The following TAB3 variants were observed in gnomAD, a reference collection of about 807,000 sequenced individuals.
The protein encoded by TAB3 is TGF-beta activated kinase 1 (MAP3K7) binding protein 3.
A neutral mutation model predicts 48.1 loss-of-function variants in TAB3; 18 were observed. The observed-to-expected ratio is 0.37, with a 90% CI of 0.26 to 0.55. TAB3 has a LOEUF of 0.55. Among genes scored for constraint, TAB3 ranks in the 20% least tolerant of loss-of-function variants. The pLI is 0.78. For missense variants in TAB3, 414 were observed against 549.8 expected (o/e 0.75, Z 2.47); for synonymous variants, 185 against 190.2 (o/e 0.97, Z 0.22).
intron 1 of TAB3, among the ~76,000 whole-genome samples, chrX:30,879,546 G>T (rs1188682945): frequency 3.6e-5 from 4 of 111,745 alleles, no homozygotes; most frequent in Admixed American, 1.9e-4. Context: ...ATAAAATCCA[G>T]TATCTATTCA....
At chrX:30,882,006 G>A in intron 1 of TAB3, among the ~76,000 whole-genome samples, 1 of 111,757 alleles carries the variant, frequency 8.9e-6, no homozygotes, top group Non-Finnish European at 1.9e-5. Context: ...TATTTCTGTG[G>A]CATAAAAGAT....
intron 4 of TAB3, among the ~76,000 whole-genome samples, chrX:30,864,168 A>G (rs1939334946): frequency 1.8e-5 from 2 of 111,528 alleles, no homozygotes; most frequent in South Asian, 3.8e-4. Context: ...CACCCCCACT[A>G]AAGTCCAGAT....
intron 1 of TAB3, among the ~76,000 whole-genome samples, chrX:30,886,553 C>T (rs187174826): frequency 1.5e-3 from 163 of 111,978 alleles, no homozygotes; most frequent in African/African-American, 4.7e-3. Flanking sequence ...GAACACAAGA[C>T]TCCTTTTTCT....
chrX:30,883,113 C>T, intron 1 of TAB3, among the ~76,000 whole-genome samples: 1 of 111,035 alleles, frequency 9.0e-6, no homozygotes. Flanking sequence ...AATGCTATTT[C>T]TCCAACATTA....
chrX:30,880,007 A>G (rs993402921), intron 1 of TAB3, among the ~76,000 whole-genome samples: 2 of 112,136 alleles, frequency 1.8e-5, no homozygotes, highest in Non-Finnish European at 3.8e-5. Context: ...CTTCCGGAGA[A>G]AATCACAACC....
Position 30,830,964 on chromosome X carries a change from G to C in TAB3, c.*463C>G, listed in dbSNP as rs1457612235. The stretch of plus-strand genomic sequence containing the variant: ...CTTTTTCCTGTTGTCCTCTTTAGTA[G>C]GAAGCAATGGGAAGAAGCACGGGGA... On this transcript the variant is annotated 3_prime_UTR_variant, in exon 11 of 11. Transcript: ENST00000288422. 1 of 87,638 alleles carries C rather than the reference G, an allele frequency of 1.1e-5. No homozygotes were observed. Among genetic ancestry groups the C allele is most frequent in the African/African-American group, 4.4e-5 (1 of 22,821 alleles). The allele number at this position is 87,638 out of a possible 1,213,427, so 7.2% of individuals were successfully genotyped here.
chrX:30,862,719 A>G lies in TAB3; in HGVS notation c.-90-3041T>C, dbSNP rs1035238559. On this transcript the variant is annotated intron_variant, in intron 4 of 10. Coordinates refer to ENST00000288422, the MANE Select transcript of TAB3 (RefSeq NM_152787.5). Reference sequence around the variant, plus strand: ...TTTTACAAATAAGAAAATGAACTCAAAGAATGAACATATGGCAGAATCATG... The same window carrying G: ...TTTTACAAATAAGAAAATGAACTCAGAGAATGAACATATGGCAGAATCATG... Among the ~76,000 whole-genome samples, 7 of 112,195 alleles carry G rather than the reference A, an allele frequency of 6.2e-5. No individual in the cohort carries two copies. In the Admixed American group the frequency reaches 6.6e-4, roughly 11 times the overall value.
chrX:30,859,183 A>G (rs970573374), intron 5 of TAB3, among the ~76,000 whole-genome samples: 7 of 111,442 alleles, frequency 6.3e-5, no homozygotes, highest in African/African-American at 2.3e-4. Flanking sequence ...GACATCTGGC[A>G]ATGTCTAAAG....
intron 4 of TAB3, among the ~76,000 whole-genome samples, chrX:30,865,254 A>C (rs959991117): frequency 8.9e-6 from 1 of 112,345 alleles, no homozygotes; most frequent in African/African-American, 3.2e-5. Flanking sequence ...TAGAGAGGCA[A>C]TACTTTCTTG....
chrX:30,859,360 CCACA>C (rs137921689), intron 5 of TAB3, 123 bp downstream of exon 5: 271 of 389,643 alleles, frequency 7.0e-4, no homozygotes, highest in African/African-American at 2.5e-3. Context: ...AAATCCTGCT[CCACA>C]CACACACACA....
At chrX:30,833,063 T>C (rs978802158) in intron 10 of TAB3, among the ~76,000 whole-genome samples, 10 of 105,330 alleles carry the variant, frequency 9.5e-5, no homozygotes, top group South Asian at 4.3e-4. Flanking sequence ...CTCCGCCTCC[T>C]GGGTTCACGC....
At chrX:30,882,759 A>G (rs1445539609) in intron 1 of TAB3, among the ~76,000 whole-genome samples, 1 of 112,229 alleles carries the variant, frequency 8.9e-6, no homozygotes, top group South Asian at 3.7e-4. Flanking sequence ...CAGCAAAAGG[A>G]CATTAGTGAG....
At chrX:30,867,013 G>A in intron 4 of TAB3, 102 bp downstream of exon 4, 1 of 111,088 alleles carries the variant, frequency 9.0e-6, no homozygotes. Context: ...TGTGAGAATG[G>A]CACTTTACCT....
chrX:30,843,107 T>C, intron 8 of TAB3, 58 bp from the exon 9 acceptor site: 1 of 701,457 alleles, frequency 1.4e-6, no homozygotes, highest in South Asian at 2.9e-5. Context: ...GTTATTTGAT[T>C]TTTTTTTAAA....
chrX:30,851,967 A>C (rs1938869045), intron 7 of TAB3, among the ~76,000 whole-genome samples: 1 of 112,334 alleles, frequency 8.9e-6, no homozygotes. Context: ...TACAGCACTT[A>C]CCACACTGTA....
chrX:30,873,669 C>A (rs779639949), intron 1 of TAB3, among the ~76,000 whole-genome samples: 2 of 111,905 alleles, frequency 1.8e-5, no homozygotes, highest in African/African-American at 6.5e-5. Context: ...ATGAAGATGA[C>A]AACGATGAAG....
intron 4 of TAB3, among the ~76,000 whole-genome samples, chrX:30,863,013 C>A (rs1267820714): frequency 8.9e-6 from 1 of 112,638 alleles, no homozygotes; most frequent in East Asian, 2.8e-4. Context: ...TAAATACTTT[C>A]CTTTGAAGAA....
chrX:30,872,810 T>C (rs1380149738), intron 1 of TAB3, among the ~76,000 whole-genome samples: 1 of 112,245 alleles, frequency 8.9e-6, no homozygotes, highest in African/African-American at 3.2e-5. Flanking sequence ...CTGATGAATC[T>C]TCACAACACT....
Position 30,854,672 on chromosome X carries a change from A to G in TAB3, c.993T>C (p.His331=). ...AGCTAGGAGGTCCTTGTTGATATGG[A>G]TGGGGTGGAGTAGTTGAAGGACTAG... The part of the protein sequence containing the change: ...MPPSPSTTPP[H]PYQQGPPSYQ... The change falls in exon 6 of 11, where the codon CAT becomes CAC. Residue 331 remains histidine, a synonymous_variant. Coordinates refer to ENST00000288422, the MANE Select transcript of TAB3 (RefSeq NM_152787.5). 8.3e-7 allele frequency: 1 copy of G among 1,211,009 alleles called. No homozygotes were observed.
Sources: gnomAD v4.1 joint callset for allele counts (sites outside exome capture counted in the v4.1 genomes callset) on GRCh38, gnomAD v4.1.1 for gene constraint, MANE v1.5 for transcripts, NCBI Gene and HGNC (gene_info 2026-07-23, HGNC 2026-07-21) for gene names.